PKD1L1: variants seen among roughly 807,000 people sequenced by gnomAD.
PKD1L1 encodes polycystin 1 like 1, transient receptor potential channel interacting.
A neutral mutation model predicts 323.4 loss-of-function variants in PKD1L1; 236 were observed. That is an observed-to-expected ratio of 0.73 (90% confidence interval 0.66 to 0.81). The LOEUF (loss-of-function observed/expected upper bound fraction) is 0.81, where lower values mean the gene tolerates loss of function less well. PKD1L1 is among the 40% of genes least tolerant of loss of function. PKD1L1 has a pLI of 0.00. For synonymous variants in PKD1L1, 1,344 were observed against 1,335.0 expected (o/e 1.01, Z -0.15); for missense variants, 3,320 against 3,508.0 (o/e 0.95, Z 1.35).
At chr7:47,948,546 G>C (rs974339589), upstream of PKD1L1, 3 of 1,121,056 alleles carry the variant, frequency 2.7e-6, no homozygotes, top group African/African-American at 4.6e-5. Flanking sequence ...TTCTGTACTT[G>C]TGACCTCTTA....
At chr7:47,906,201 G>A (rs976246209) in intron 9 of PKD1L1, among the ~76,000 whole-genome samples, 30 of 152,126 alleles carry the variant, frequency 2.0e-4, no homozygotes, top group Non-Finnish European at 5.9e-5. Context: ...TCCCTGCATG[G>A]TATTAAATAT....
chr7:47,904,252 T>C lies in PKD1L1; in HGVS notation c.1931+126A>G, dbSNP rs1040701213. ...CATGGTCAGGTCTTATTTGTCTCTG[T>C]GTAATCATCTGTCACCTACGTTGAC... On this transcript the variant is annotated intron_variant, in intron 12 of 56. Transcript: ENST00000289672. 16 of 1,301,722 alleles carry C rather than the reference T, an allele frequency of 1.2e-5. No homozygotes were observed. The Admixed American group carries it at 3.2e-4, about 26-fold the overall frequency. 80.6% of individuals were successfully genotyped at this position (1,301,722 alleles called of 1,614,324 possible).
At position 47,864,633 on chromosome 7, in the gene PKD1L1, T is replaced by TTTCC. The variant is rs1177055370; in HGVS notation, c.4149+579_4149+582dup. 1.5e-3 allele frequency among the ~76,000 whole-genome samples: 176 copies of TTTCC among 114,826 alleles called. 2 individuals carry two copies. The highest frequency in any genetic ancestry group is 2.4e-3 in the Non-Finnish European group (134 of 54,706). 75.3% of individuals were successfully genotyped at this position (114,826 alleles called of 152,430 possible). A position where few individuals can be genotyped will look rare whatever the true frequency, so the allele number is the denominator to read the frequency against. On this transcript the variant is annotated intron_variant, in intron 26 of 56. Coordinates refer to ENST00000289672, the MANE Select transcript of PKD1L1 (RefSeq NM_138295.5). ...CTTTCTTTCTTTCTTTCTTTCTTTC[T>TTTCC]TTCCTTCCTTCCTTCCTTCCTCCCT...
At chr7:47,802,366 C>T (rs1039432007) in intron 53 of PKD1L1, among the ~76,000 whole-genome samples, 3 of 152,096 alleles carry the variant, frequency 2.0e-5, no homozygotes, top group African/African-American at 4.8e-5. Flanking sequence ...GGCTGGTGCT[C>T]GCAACAGTGA....
Position 47,853,231 on chromosome 7 carries a change from G to A in PKD1L1, c.4860-4C>T. 1 of 1,592,124 alleles carries A rather than the reference G, an allele frequency of 6.3e-7. No homozygotes were observed. Among genetic ancestry groups the A allele is most frequent in the African/African-American group, 1.3e-5 (1 of 74,504 alleles). ...GGGAGTAGGTTTCTCAGAGAATCTAGGAGATAAAAACAAAATAGGGATTTC... is the reference window on the plus strand; with the variant it reads ...GGGAGTAGGTTTCTCAGAGAATCTAAGAGATAAAAACAAAATAGGGATTTC... On this transcript the variant is annotated splice_region_variant and splice_polypyrimidine_tract_variant and intron_variant, in intron 30 of 56. Coordinates refer to ENST00000289672, the MANE Select transcript of PKD1L1 (RefSeq NM_138295.5).
chr7:47,894,220 TACG>T (rs1254244532), intron 14 of PKD1L1, among the ~76,000 whole-genome samples, 161 bp from the exon 15 acceptor site: 1 of 152,188 alleles, frequency 6.6e-6, no homozygotes, highest in Non-Finnish European at 1.5e-5. Flanking sequence ...CACTCTACTG[TACG>T]ACATGAGAGC....
In PKD1L1 at chr7:47,792,609, A is replaced by C. The variant is rs1370579309; in HGVS notation, c.8526+18T>G. 1 of 1,569,298 alleles carries C rather than the reference A, an allele frequency of 6.4e-7. No individual in the cohort carries two copies. Among genetic ancestry groups the C allele is most frequent in the East Asian group, 2.3e-5 (1 of 44,210 alleles). ...TGCTATGAAGAAAATTGACATAAAT[A>C]ATTTTGCATGGTCTTACCTCAGCAG... On this transcript the variant is annotated intron_variant, in intron 56 of 56. Transcript: ENST00000289672.
intron 13 of PKD1L1, among the ~76,000 whole-genome samples, chr7:47,901,344 A>G (rs574293666): frequency 1.2e-3 from 177 of 151,508 alleles, no homozygotes; most frequent in East Asian, 2.9e-3. Context: ...AAAAAAAAAA[A>G]AAAAGAAAAG....
In PKD1L1 at chr7:47,839,989, A is replaced by G. The variant is rs1785535152; in HGVS notation, c.5553-327T>C. On this transcript the variant is annotated intron_variant, in intron 35 of 56. Transcript: ENST00000289672. This position sits in a 1 kb window ranked among gnomAD's most constrained non-coding sequence, Gnocchi z 4.3. ...CCTTTTCTCTCTTAATGAAGACATA[A>G]TACTCCAAACCTATAAATATCATAC... 6.6e-6 allele frequency among the ~76,000 whole-genome samples: 1 copy of G among 152,240 alleles called. No individual in the cohort carries two copies. Among genetic ancestry groups the G allele is most frequent in the Non-Finnish European group, 1.5e-5 (1 of 68,040 alleles).
intron 8 of PKD1L1, among the ~76,000 whole-genome samples, chr7:47,915,218 C>T (rs1175127296): frequency 6.6e-6 from 1 of 152,212 alleles, no homozygotes; most frequent in African/African-American, 2.4e-5. Context: ...AGACCACTTC[C>T]CTCCTTGGGC....
At chr7:47,821,724 G>C (rs1785145550) in intron 45 of PKD1L1, among the ~76,000 whole-genome samples, 1 of 147,624 alleles carries the variant, frequency 6.8e-6, no homozygotes, top group South Asian at 2.1e-4. Context: ...ATCTAGCTCT[G>C]TTACCTAGAC....
intron 21 of PKD1L1, 97 bp from the exon 22 acceptor site, chr7:47,877,728 C>A: frequency 7.2e-7 from 1 of 1,397,396 alleles, no homozygotes; most frequent in Admixed American, 2.4e-5. Flanking sequence ...CAGGGGTTCT[C>A]AAAGTAGGGT....
rs760751863 is a variant in PKD1L1 at position 47,834,416 on chromosome 7, G to A, written c.6128-31C>T. 24 of 1,585,288 alleles carry A rather than the reference G, an allele frequency of 1.5e-5. No homozygotes were observed. In the South Asian group the frequency reaches 1.8e-4, roughly 12 times the overall value. On this transcript the variant is annotated intron_variant, in intron 39 of 56. Coordinates refer to ENST00000289672, the MANE Select transcript of PKD1L1 (RefSeq NM_138295.5). ...TCAAAAAAATAAAAATCCAATGTAC[G>A]ATGCTTTGGGGTGATACATTTAAAC...
intron 8 of PKD1L1, among the ~76,000 whole-genome samples, chr7:47,909,144 T>C (rs927973115): frequency 6.6e-6 from 1 of 152,176 alleles, no homozygotes; most frequent in African/African-American, 2.4e-5. Context: ...ACAATTCCAC[T>C]GAACTGGAAA....
At chr7:47,928,761 C>T (rs763056887) in intron 7 of PKD1L1, among the ~76,000 whole-genome samples, 1 of 152,156 alleles carries the variant, frequency 6.6e-6, no homozygotes, top group Non-Finnish European at 1.5e-5. Context: ...GTTGAGACTA[C>T]AAAATGTTGG....
rs1216088454 is a variant in PKD1L1 at position 47,829,552 on chromosome 7, T to C, written c.6608A>G (p.His2203Arg). 1.9e-6 allele frequency: 3 copies of C among 1,613,396 alleles called. No homozygotes were observed. Among genetic ancestry groups the C allele is most frequent in the South Asian group, 2.2e-5 (2 of 90,898 alleles). The change falls in exon 44 of 57, where the codon CAC (histidine) becomes CGC (arginine). Residue 2203 changes from histidine to arginine, a missense_variant. Transcript: ENST00000289672. ...CTCACATAAAGACTCAGTAAAAAAG[T>C]GGTTGTCAGCTCTTCTTTTCCAAGC... ...GFAWKRRADN[H>R]FFTESLCEAT...
intron 40 of PKD1L1, 139 bp downstream of exon 40, chr7:47,834,200 T>A: frequency 1.1e-6 from 1 of 880,584 alleles, no homozygotes; most frequent in South Asian, 1.6e-5. Context: ...AGGTCTTGCA[T>A]TGATCTTTTC....
chr7:47,800,783 G>A lies in PKD1L1; in HGVS notation c.8059C>T (p.Pro2687Ser), dbSNP rs141837186. Residue 2687 changes from proline to serine, a missense_variant, in exon 54 of 57, where the codon CCC (proline) becomes TCC (serine). Transcript: ENST00000289672. ...CTGGGAAAATGAAACAGCAGCCCGG[G>A]GAAGGCGTCTGTGAAGGTGCCAGGT... ...LPPGTFTDAF[P>S]GLLFHFPRRS... is the part of the protein sequence containing the mutation. 7.8e-5 allele frequency: 126 copies of A among 1,614,060 alleles called. No homozygotes were observed. Among genetic ancestry groups the A allele is most frequent in the Non-Finnish European group, 1.0e-4 (119 of 1,179,994 alleles).
At chr7:47,856,968 G>A (rs1283303288) in intron 28 of PKD1L1, among the ~76,000 whole-genome samples, 1 of 152,140 alleles carries the variant, frequency 6.6e-6, no homozygotes, top group East Asian at 1.9e-4. Context: ...GGTGACCCTG[G>A]GGTCATTCAC....
Sources: allele counts gnomAD v4.1 joint callset (sites outside exome capture counted in the v4.1 genomes callset), GRCh38; gene constraint gnomAD v4.1.1; non-coding constraint Gnocchi (gnomAD v3.1); transcripts MANE v1.5; gene names NCBI Gene and HGNC (gene_info 2026-07-23, HGNC 2026-07-21).